ARHGAP22: variants seen among roughly 807,000 people sequenced by gnomAD.
ARHGAP22 encodes Rho GTPase activating protein 22, also known as rho GTPase-activating protein 22.
In ARHGAP22, 48 loss-of-function variants were observed where a neutral mutation model predicts 59.1. That is an observed-to-expected ratio of 0.81 (90% CI 0.64 to 1.03). The LOEUF is 1.03. ARHGAP22 is among the 50% of genes least tolerant of loss of function. The pLI, the probability that ARHGAP22 is intolerant of heterozygous loss-of-function variation, is 0.00. For missense variants in ARHGAP22, 1,015 were observed against 958.7 expected (o/e 1.06, Z -0.78); for synonymous variants, 445 against 416.4 (o/e 1.07, Z -0.84).
chr10:48,603,629 T>C (rs2060513046), intron 1 of ARHGAP22, among the ~76,000 whole-genome samples: 1 of 152,218 alleles, frequency 6.6e-6, no homozygotes, highest in Admixed American at 6.5e-5. Flanking sequence ...ATCTGGCTTG[T>C]CCTATCCCTT....
chr10:48,521,036 A>C (rs2053759338), intron 3 of ARHGAP22, among the ~76,000 whole-genome samples: 1 of 152,184 alleles, frequency 6.6e-6, no homozygotes, highest in Non-Finnish European at 1.5e-5. Context: ...ATGCACCTGG[A>C]AACATGCCCC....
At chr10:48,454,839 C>T (rs1431423866) in intron 6 of ARHGAP22, among the ~76,000 whole-genome samples, 163 bp downstream of exon 6, 1 of 152,028 alleles carries the variant, frequency 6.6e-6, no homozygotes, top group Admixed American at 6.5e-5. Flanking sequence ...CCTCCCCCAC[C>T]CAAGCAGGAT....
chr10:48,459,030 G>C (rs2046862419), intron 5 of ARHGAP22, among the ~76,000 whole-genome samples: 1 of 152,190 alleles, frequency 6.6e-6, no homozygotes, highest in South Asian at 2.1e-4. Flanking sequence ...CCCCATGGAG[G>C]GTAGTTTTTC....
At chr10:48,436,117 T>G in the ARHGAP22 span, 2 of 152,222 alleles carry the variant, frequency 1.3e-5, no homozygotes, top group East Asian at 3.9e-4. Flanking sequence ...CTACCTAGAT[T>G]TGTGTAGGTG....
At chr10:48,584,384 T>C (rs2059295730) in intron 1 of ARHGAP22, among the ~76,000 whole-genome samples, 1 of 152,214 alleles carries the variant, frequency 6.6e-6, no homozygotes, top group South Asian at 2.1e-4. Flanking sequence ...GGTGAGCTCC[T>C]ATATATCCTT....
chr10:48,532,186 T>C (rs568903871), intron 3 of ARHGAP22, among the ~76,000 whole-genome samples: 14 of 152,264 alleles, frequency 9.2e-5, no homozygotes, highest in African/African-American at 3.4e-4. Context: ...ATGCGAGCTC[T>C]CAAGATCACA....
At chr10:48,601,395 A>G (rs1345318704) in intron 1 of ARHGAP22, among the ~76,000 whole-genome samples, 1 of 152,184 alleles carries the variant, frequency 6.6e-6, no homozygotes, top group Non-Finnish European at 1.5e-5. Context: ...GGAGTGTCCT[A>G]TCCCTTTACT....
chr10:48,542,047 G>C lies in ARHGAP22; in HGVS notation c.322+13416C>G, dbSNP rs533101644. 5.9e-5 allele frequency among the ~76,000 whole-genome samples: 9 copies of C among 152,330 alleles called. 1 individual carries two copies. In the South Asian group the frequency reaches 1.9e-3, roughly 32 times the overall value. On this transcript the variant is annotated intron_variant, in intron 3 of 9. Transcript: ENST00000249601. Reference sequence around the variant, plus strand: ...AGAGCATGGCACGAGAATGTGGTGGGAGCTGTGCATGCCCAGCCCTTGGAG... The same window carrying C: ...AGAGCATGGCACGAGAATGTGGTGGCAGCTGTGCATGCCCAGCCCTTGGAG...
chr10:48,563,678 T>C (rs1363689464), intron 2 of ARHGAP22, among the ~76,000 whole-genome samples: 1 of 152,204 alleles, frequency 6.6e-6, no homozygotes, highest in Non-Finnish European at 1.5e-5. Context: ...ACAAGTTGGG[T>C]ATGTGAATCT....
intron 6 of ARHGAP22, among the ~76,000 whole-genome samples, chr10:48,454,376 G>A (rs1003321862): frequency 1.8e-4 from 27 of 152,188 alleles, no homozygotes; most frequent in African/African-American, 6.5e-4. Flanking sequence ...AGGAGCTGGT[G>A]TGAGGGGTGA....
intron 3 of ARHGAP22, among the ~76,000 whole-genome samples, chr10:48,552,925 C>A (rs1433181645): frequency 6.6e-6 from 1 of 152,218 alleles, no homozygotes. Context: ...AGGGTCCAGG[C>A]TCCTGTACCT....
At chr10:48,492,268 CT>C (rs539514841) in intron 3 of ARHGAP22, among the ~76,000 whole-genome samples, 6 of 151,996 alleles carry the variant, frequency 3.9e-5, no homozygotes, top group East Asian at 1.9e-4. Flanking sequence ...TTTTTTAAAA[CT>C]TTTTTTTAAA....
intron 1 of ARHGAP22, among the ~76,000 whole-genome samples, chr10:48,649,881 A>G (rs1181490130): frequency 6.6e-6 from 1 of 152,202 alleles, no homozygotes; most frequent in Non-Finnish European, 1.5e-5. Flanking sequence ...GCATAGCAGT[A>G]CAATTGAACG....
chr10:48,481,078 C>T (rs3889333), intron 3 of ARHGAP22, among the ~76,000 whole-genome samples: 7 of 151,854 alleles, frequency 4.6e-5, no homozygotes, highest in East Asian at 3.9e-4. Flanking sequence ...CCCTTCACTA[C>T]GCAGATAAGC....
intron 1 of ARHGAP22, among the ~76,000 whole-genome samples, chr10:48,649,356 G>A (rs2062453794): frequency 6.6e-6 from 1 of 152,198 alleles, no homozygotes; most frequent in African/African-American, 2.4e-5. Context: ...AGTCAGGGAG[G>A]CGTGGGAGAG....
intron 4 of ARHGAP22, among the ~76,000 whole-genome samples, chr10:48,476,143 CCTGTCCCTCCAGCTCGCTG>C (rs1196845359): frequency 1.3e-5 from 2 of 152,228 alleles, no homozygotes; most frequent in Non-Finnish European, 2.9e-5. Flanking sequence ...GAGGCCAGTG[CCTGTCCCTCCAGCTCGCTG>C]CTGTCTCCTC....
intron 2 of ARHGAP22, among the ~76,000 whole-genome samples, chr10:48,570,902 T>G (rs1048171655): frequency 2.6e-5 from 4 of 152,138 alleles, no homozygotes; most frequent in Non-Finnish European, 4.4e-5. Flanking sequence ...CTGCCAGGGG[T>G]GCCCACAGTG....
At chr10:48,601,918 A>G (rs966844900) in intron 1 of ARHGAP22, among the ~76,000 whole-genome samples, 4 of 152,222 alleles carry the variant, frequency 2.6e-5, no homozygotes, top group African/African-American at 9.6e-5. Flanking sequence ...TACAGCTCTC[A>G]TGGAGATGTA....
intron 4 of ARHGAP22, among the ~76,000 whole-genome samples, chr10:48,464,257 C>T (rs1400595789): frequency 1.3e-5 from 2 of 152,214 alleles, no homozygotes; most frequent in Non-Finnish European, 2.9e-5. Context: ...CTACTCCCTC[C>T]ACCAGACCCT....
Sources: gnomAD v4.1 joint callset for allele counts (sites outside exome capture counted in the v4.1 genomes callset) on GRCh38, gnomAD v4.1.1 for gene constraint, MANE v1.5 for transcripts, NCBI Gene and HGNC (gene_info 2026-07-23, HGNC 2026-07-21) for gene names.